KXD1: variants seen among roughly 807,000 people sequenced by gnomAD.
KXD1 encodes KxDL motif containing 1.
Under a neutral mutation model 12.1 loss-of-function variants are expected in KXD1, and 5 were observed. The ratio of observed to expected loss-of-function variants is 0.41; its 90% confidence interval spans 0.22 to 0.87. The LOEUF is 0.87. Ranked by LOEUF, KXD1 falls within the 40% of genes least tolerant of loss-of-function variation. The pLI, the probability that KXD1 is intolerant of heterozygous loss-of-function variation, is 0.31. For synonymous variants in KXD1, 98 were observed against 100.5 expected (o/e 0.98, Z 0.15); for missense variants, 193 against 244.9 (o/e 0.79, Z 1.41).
At position 18,562,040 on chromosome 19, in the gene KXD1, C is replaced by T. The variant is rs375642880; in HGVS notation, c.-17C>T. 5.6e-6 allele frequency: 9 copies of T among 1,602,770 alleles called. No homozygotes were observed. Among genetic ancestry groups the T allele is most frequent in the South Asian group, 4.4e-5 (4 of 89,956 alleles). ...CTCTGTTCTTGCCTGTTTCAGGCAG[C>T]GGAGGAGGAGAAAGAGATGGACCTC... On this transcript the variant is annotated 5_prime_UTR_variant, in exon 2 of 5. Transcript: ENST00000222307.
At position 18,568,502 on chromosome 19, in the gene KXD1, T is replaced by TG; in HGVS notation, c.403dup (p.Asp135GlyfsTer36). On this transcript the variant is annotated frameshift_variant, in exon 5 of 5. Transcript: ENST00000222307. LOFTEE classifies it high-confidence loss of function. The stretch of plus-strand genomic sequence containing the variant: ...CCTCAGAACAGAGCACGGGCTCATG[T>TG]GACACCAGCCCCGACACCGTCTCGC... The TG allele has an allele frequency of 6.2e-7, 1 of 1,614,120 alleles. No homozygotes were observed.
Position 18,564,971 on chromosome 19 carries a change from G to T in KXD1, c.204G>T (p.Arg68Ser). ...GCGAACGCTTCCTGCACCACACGAG[G>T]ACCCTAGTAGAGATGAAACGGGACC... is the stretch of plus-strand genomic sequence containing the variant. ...QMSERFLHHT[R>S]TLVEMKRDLD... is the part of the protein sequence containing the mutation. The change falls in exon 3 of 5, where the codon AGG becomes AGT. Residue 68 changes from arginine (R) to serine (S), a missense_variant. Arg to Ser is a moderately radical substitution (Grantham distance 110). Transcript: ENST00000222307. 1 of 1,611,572 alleles carries T rather than the reference G, an allele frequency of 6.2e-7. No individual in the cohort carries two copies.
At chr19:18,562,760 C>G (rs1974984559) in intron 2 of KXD1, among the ~76,000 whole-genome samples, 1 of 152,230 alleles carries the variant, frequency 6.6e-6, no homozygotes, top group Non-Finnish European at 1.5e-5. Flanking sequence ...CTGTGCCTGG[C>G]CTTTATGCAG....
rs895386103 is a variant in KXD1, at chr19:18,557,871, C to G, written c.-65C>G. On this transcript the variant is annotated 5_prime_UTR_variant, in exon 1 of 5. Coordinates refer to ENST00000222307, the MANE Select transcript of KXD1 (RefSeq NM_024069.4). ...GGTGCGTGGTGACGTTTCGCCGGCG[C>G]GGGCGCCATCCCGGAAGCGCGAGCA... The G allele has an allele frequency of 2.6e-5, 4 of 152,284 alleles. No individual in the cohort carries two copies. The highest frequency in any genetic ancestry group is 5.9e-5 in the Non-Finnish European group (4 of 68,066). 9.4% of individuals were successfully genotyped at this position (152,284 alleles called of 1,614,324 possible). A position where few individuals can be genotyped will look rare whatever the true frequency, so the allele number is the denominator to read the frequency against.
At chr19:18,568,286 G>A in intron 4 of KXD1, 116 bp from the exon 5 acceptor site, 1 of 695,802 alleles carries the variant, frequency 1.4e-6, no homozygotes, top group Non-Finnish European at 2.5e-6. Context: ...AAAAAAAAGG[G>A]TCAAGTCATA....
At chr19:18,559,937 GTCTC>G (rs920281370) in intron 1 of KXD1, 13 of 146,706 alleles carry the variant, frequency 8.9e-5, no homozygotes, top group East Asian at 3.9e-4. Flanking sequence ...TTCTCTCTTT[GTCTC>G]TCTCTCTTTC....
chr19:18,567,862 C>A (rs926608886), intron 4 of KXD1, among the ~76,000 whole-genome samples: 1 of 152,178 alleles, frequency 6.6e-6, no homozygotes, highest in Middle Eastern at 3.2e-3. Context: ...GCCAGGTTCG[C>A]CCTCAGGGCT....
chr19:18,563,527 C>T (rs770901757), intron 2 of KXD1, among the ~76,000 whole-genome samples: 6 of 151,448 alleles, frequency 4.0e-5, no homozygotes, highest in South Asian at 2.1e-4. Context: ...TTTTTTGTGA[C>T]GGAGTCTCGC....
chr19:18,567,388 C>T (rs1262538478), intron 4 of KXD1: 9 of 652,326 alleles, frequency 1.4e-5, no homozygotes, highest in East Asian at 5.4e-5. Flanking sequence ...GTCCGTGCCC[C>T]GTGGGGAGGC....
chr19:18,562,003 T>C (rs949011361), intron 1 of KXD1, 33 bp from the exon 2 acceptor site: 1 of 1,434,836 alleles, frequency 7.0e-7, no homozygotes, highest in Non-Finnish European at 9.6e-7. Context: ...ACCTGGTGAC[T>C]AGTGCAGACC....
intron 4 of KXD1, among the ~76,000 whole-genome samples, chr19:18,567,495 C>T (rs555375005): frequency 2.0e-5 from 3 of 152,296 alleles, no homozygotes; most frequent in Admixed American, 6.5e-5. Flanking sequence ...TGACACCAGC[C>T]CCGACATCGT....
chr19:18,567,508 C>T (rs1019405216), intron 4 of KXD1, among the ~76,000 whole-genome samples: 3 of 152,340 alleles, frequency 2.0e-5, no homozygotes, highest in Admixed American at 6.5e-5. Context: ...GACATCGTCT[C>T]GCCTTCCCTG....
At chr19:18,562,186 G>A in intron 2 of KXD1, 29 bp downstream of exon 2, 1 of 1,531,746 alleles carries the variant, frequency 6.5e-7, no homozygotes, top group East Asian at 2.4e-5. Flanking sequence ...ACCTGAGCGT[G>A]GGAAGGAATC....
At chr19:18,567,274 C>A in intron 4 of KXD1, 96 bp downstream of exon 4, 1 of 1,303,136 alleles carries the variant, frequency 7.7e-7, no homozygotes, top group Admixed American at 1.8e-5. Context: ...ATACTGAGAC[C>A]AGGCTGTAAT....
chr19:18,560,419 G>C (rs1455280720), intron 1 of KXD1: 1 of 152,030 alleles, frequency 6.6e-6, no homozygotes, highest in Non-Finnish European at 1.5e-5. Context: ...GAACTCCCTA[G>C]GAGGGTCAGT....
chr19:18,562,093 G>A lies in KXD1; in HGVS notation c.37G>A (p.Gly13Ser), dbSNP rs779508310. The change falls in exon 2 of 5, where the codon GGC becomes AGC. Residue 13 changes from glycine (G) to serine (S), a missense_variant. Physicochemically the swap from Gly to Ser is moderately conservative, Grantham distance 56. Transcript: ENST00000222307. ...GGACTCGGCCTCGAGGGTCTTCTGC[G>A]GCCGCATCCTGAGCATGGTGAACAC... is the stretch of plus-strand genomic sequence containing the variant. ...LPDSASRVFCGRILSMVNTDD... is the reference protein window; with the variant it reads ...LPDSASRVFCSRILSMVNTDD... 22 of 1,613,308 alleles carry A rather than the reference G, an allele frequency of 1.4e-5. No homozygotes were observed. In the South Asian group the frequency reaches 1.5e-4, roughly 11 times the overall value.
Position 18,567,182 on chromosome 19 carries a change from A to C in KXD1, c.301+4A>C, listed in dbSNP as rs1975285394. 1.2e-6 allele frequency: 2 copies of C among 1,613,974 alleles called. No homozygotes were observed. ...CAGCACCCAGAGGCCTTCAGCCGTA[A>C]GTGTCACGCAGGGTTCCTGCTCCCG... On this transcript the variant is annotated splice_donor_region_variant and intron_variant, in intron 4 of 4. Coordinates refer to ENST00000222307, the MANE Select transcript of KXD1 (RefSeq NM_024069.4).
At chr19:18,561,843 G>A in intron 1 of KXD1, 193 bp from the exon 2 acceptor site, 1 of 483,280 alleles carries the variant, frequency 2.1e-6, no homozygotes, top group South Asian at 2.7e-5. Flanking sequence ...CTCTTAGTTT[G>A]CCCAATACCT....
chr19:18,567,086 T>C, intron 3 of KXD1, 46 bp from the exon 4 acceptor site: 2 of 1,591,804 alleles, frequency 1.3e-6, no homozygotes, highest in Non-Finnish European at 1.7e-6. Flanking sequence ...AGGCCCAGCC[T>C]ACCTGCTCAG....
Sources: gnomAD v4.1 joint callset for allele counts (sites outside exome capture counted in the v4.1 genomes callset) on GRCh38, gnomAD v4.1.1 for gene constraint, MANE v1.5 for transcripts, NCBI Gene and HGNC (gene_info 2026-07-23, HGNC 2026-07-21) for gene names.